TOMM6: variants seen among roughly 807,000 people sequenced by gnomAD.
TOMM6 encodes the protein mitochondrial import receptor subunit TOM6 homolog.
TOMM6 carries 6 observed loss-of-function variants against 6.0 expected under a neutral mutation model. That is an observed-to-expected ratio of 1.00 (90% CI 0.55 to 1.98). The LOEUF is 1.98. Among genes scored for constraint, TOMM6 ranks in the 30% most tolerant of loss-of-function variants. The pLI, the probability that TOMM6 is intolerant of heterozygous loss-of-function variation, is 0.00. For missense variants in TOMM6, 104 were observed against 95.3 expected (o/e 1.09, Z -0.38); for synonymous variants, 44 against 36.3 (o/e 1.21, Z -0.76).
rs1455524700 is a variant in TOMM6, at chr6:41,789,372, G to A, written c.*8+36G>A. On this transcript the variant is annotated intron_variant, in intron 2 of 2. Coordinates refer to ENST00000398881, the MANE Select transcript of TOMM6 (RefSeq NM_001382294.1). ...AACTACACCCATGCGTGTCTTAGGA[G>A]ACCTAGAGACTGGGTGAAGCAATGT... 6 of 1,425,048 alleles carry A rather than the reference G, an allele frequency of 4.2e-6. No individual in the cohort carries two copies. In the African/African-American group the frequency reaches 5.7e-5, roughly 13 times the overall value. 88.3% of individuals were successfully genotyped at this position (1,425,048 alleles called of 1,614,324 possible).
intron 2 of TOMM6, 77 bp from the exon 3 acceptor site, chr6:41,789,489 ATT>A: frequency 1.6e-6 from 1 of 632,540 alleles, no homozygotes; most frequent in Admixed American, 2.7e-5. Flanking sequence ...GTTGAAAGGG[ATT>A]TAAGTATCTC....
intron 1 of TOMM6, among the ~76,000 whole-genome samples, chr6:41,788,264 C>A (rs565235547): frequency 6.7e-6 from 1 of 150,372 alleles, no homozygotes; most frequent in East Asian, 2.0e-4. Flanking sequence ...CCTGCCTCAG[C>A]CTCCCGAGTA....
Sources: allele counts gnomAD v4.1 joint callset (sites outside exome capture counted in the v4.1 genomes callset), GRCh38; gene constraint gnomAD v4.1.1; transcripts MANE v1.5; gene names NCBI Gene and HGNC (gene_info 2026-07-23, HGNC 2026-07-21).